FAT3: variants seen among roughly 807,000 people sequenced by gnomAD.
FAT3 encodes FAT atypical cadherin 3.
FAT3 carries 95 observed loss-of-function variants against 310.2 expected under a neutral mutation model. The ratio of observed to expected loss-of-function variants is 0.31; its 90% CI spans 0.26 to 0.36. The LOEUF (loss-of-function observed/expected upper bound fraction) is 0.36, where lower values mean the gene tolerates loss of function less well. Ranked by LOEUF, FAT3 falls within the 10% of genes least tolerant of loss-of-function variation. The pLI is 1.00. For missense variants in FAT3, 5,408 were observed against 5,715.6 expected, an observed-to-expected ratio of 0.95 and a Z score of 1.74; for synonymous variants, 2,314 against 2,192.9, an observed-to-expected ratio of 1.06 and a Z score of -1.54.
At chr11:92,786,039 G>C (rs972026975) in intron 7 of FAT3, among the ~76,000 whole-genome samples, 6 of 152,114 alleles carry the variant, frequency 3.9e-5, no homozygotes, top group African/African-American at 1.4e-4. Context: ...TGTAAATATA[G>C]AGTACAATAA....
intron 3 of FAT3, among the ~76,000 whole-genome samples, chr11:92,589,638 G>A (rs1939327929): frequency 6.6e-6 from 1 of 151,900 alleles, no homozygotes; most frequent in Non-Finnish European, 1.5e-5. Context: ...ACTCAACTAA[G>A]CTTTTTTCTT....
Position 92,844,161 on chromosome 11 carries a change from G to A in FAT3, c.10794G>A (p.Val3598=). Residue 3598 remains valine, a synonymous_variant, in exon 19 of 28, where the codon GTG becomes GTA. Transcript: ENST00000525166. ...LKSEQKSLFK[V]NSHDGKIIAL... Reference sequence around the variant, plus strand: ...CGGAGCAGAAAAGCTTATTTAAAGTGAACAGTCACGATGGGAAAATCATCG... The same window carrying A: ...CGGAGCAGAAAAGCTTATTTAAAGTAAACAGTCACGATGGGAAAATCATCG... 1 of 1,614,002 alleles carries A rather than the reference G, an allele frequency of 6.2e-7. No individual in the cohort carries two copies. The highest frequency in any genetic ancestry group is 8.5e-7 in the Non-Finnish European group (1 of 1,179,902).
intron 2 of FAT3, among the ~76,000 whole-genome samples, chr11:92,413,893 T>C (rs1389347440): frequency 1.3e-5 from 2 of 152,224 alleles, no homozygotes; most frequent in Non-Finnish European, 2.9e-5. Flanking sequence ...GACACAGTTT[T>C]ATTGGTCCAA....
At chr11:92,866,591 A>G in intron 21 of FAT3, 150 bp from the exon 22 acceptor site, 1 of 700,212 alleles carries the variant, frequency 1.4e-6, no homozygotes, top group South Asian at 2.0e-5. Flanking sequence ...GTGGTTAAAA[A>G]TCAAACCACA....
At chr11:92,298,646 C>G (rs1946911642) in intron 1 of FAT3, among the ~76,000 whole-genome samples, 1 of 152,108 alleles carries the variant, frequency 6.6e-6, no homozygotes, top group South Asian at 2.1e-4. Flanking sequence ...CTTTCATTGT[C>G]TTCTTCATGA....
At position 92,532,648 on chromosome 11, in the gene FAT3, AT is replaced by A. The variant is rs549668174; in HGVS notation, c.3607+7703del. ...TCTCAACTCTTAATATTTGGAGAGG[AT>A]TTGGCTGGTAACGAAATTCTCCTCA... On this transcript the variant is annotated intron_variant, in intron 3 of 27. Transcript: ENST00000525166. Among the ~76,000 whole-genome samples, 219 of 152,290 alleles carry A rather than the reference AT, an allele frequency of 1.4e-3. 1 individual carries two copies. Among genetic ancestry groups the A allele is most frequent in the African/African-American group, 5.1e-3 (213 of 41,562 alleles).
chr11:92,836,847 A>G, intron 16 of FAT3, 144 bp downstream of exon 16: 3 of 922,478 alleles, frequency 3.3e-6, no homozygotes, highest in Non-Finnish European at 4.7e-6. Context: ...TGCAGCATGA[A>G]ATATTAGGGT....
intron 3 of FAT3, among the ~76,000 whole-genome samples, chr11:92,677,769 G>A (rs992382119): frequency 6.6e-5 from 10 of 152,102 alleles, no homozygotes; most frequent in East Asian, 3.9e-4. Flanking sequence ...TTGGTGTTTT[G>A]AACAAATAAT....
intron 3 of FAT3, among the ~76,000 whole-genome samples, chr11:92,695,353 A>G (rs750327149): frequency 1.3e-5 from 2 of 152,068 alleles, no homozygotes; most frequent in African/African-American, 2.4e-5. Flanking sequence ...TTCCCTGGTG[A>G]TTCCGATGGT....
chr11:92,396,950 G>A (rs762282251), intron 2 of FAT3, among the ~76,000 whole-genome samples: 1 of 151,968 alleles, frequency 6.6e-6, no homozygotes, highest in African/African-American at 2.4e-5. Flanking sequence ...CTGTTAATCC[G>A]TCTACATCGG....
At chr11:92,672,914 G>A (rs1183414863) in intron 3 of FAT3, among the ~76,000 whole-genome samples, 4 of 152,112 alleles carry the variant, frequency 2.6e-5, no homozygotes, top group Non-Finnish European at 4.4e-5. Flanking sequence ...CGAAGTAAAG[G>A]GTAACCTGTC....
chr11:92,537,616 G>A (rs542975797), intron 3 of FAT3, among the ~76,000 whole-genome samples: 2 of 152,008 alleles, frequency 1.3e-5, no homozygotes, highest in Non-Finnish European at 2.9e-5. Context: ...ATAAACCTGA[G>A]AACTGTAGGG....
At chr11:92,240,034 G>A (rs1351924652) in intron 1 of FAT3, among the ~76,000 whole-genome samples, 1 of 152,096 alleles carries the variant, frequency 6.6e-6, no homozygotes, top group African/African-American at 2.4e-5. Context: ...TATGCCTTTC[G>A]AAAGATGGTT....
intron 3 of FAT3, among the ~76,000 whole-genome samples, chr11:92,674,107 G>A (rs760229793): frequency 1.6e-4 from 25 of 151,710 alleles, no homozygotes; most frequent in Non-Finnish European, 7.4e-5. Context: ...CTTCAACCCT[G>A]GAGGTGGGGG....
chr11:92,717,336 G>T (rs182267747), intron 4 of FAT3, among the ~76,000 whole-genome samples: 116 of 152,266 alleles, frequency 7.6e-4, no homozygotes, highest in South Asian at 4.8e-3. Context: ...TTCCAATGGG[G>T]GTCCTAATTC....
At chr11:92,658,678 G>A (rs1185796131) in intron 3 of FAT3, among the ~76,000 whole-genome samples, 2 of 152,148 alleles carry the variant, frequency 1.3e-5, no homozygotes, top group Admixed American at 6.5e-5. Flanking sequence ...AGCAGTTTTA[G>A]TCTTTCAGAT....
chr11:92,305,862 T>G (rs186235220), intron 1 of FAT3, among the ~76,000 whole-genome samples: 53 of 152,250 alleles, frequency 3.5e-4, no homozygotes, highest in Admixed American at 2.2e-3. Flanking sequence ...GTTCCTGAAT[T>G]GAATTCTAGA....
chr11:92,659,196 A>T (rs944273708), intron 3 of FAT3, among the ~76,000 whole-genome samples: 13 of 152,174 alleles, frequency 8.5e-5, no homozygotes, highest in African/African-American at 3.1e-4. Flanking sequence ...AAATACTAAA[A>T]TTCACAGAGG....
chr11:92,797,920 A>T lies in FAT3; in HGVS notation c.4907A>T (p.Gln1636Leu). 6.2e-7 allele frequency: 1 copy of T among 1,613,888 alleles called. No individual in the cohort carries two copies. Among genetic ancestry groups the T allele is most frequent in the Non-Finnish European group, 8.5e-7 (1 of 1,179,840 alleles). The stretch of plus-strand genomic sequence containing the variant: ...GAACCAGACATGACGACGATGGGTC[A>T]GTTTGTCCTATCCATCAAAGTCACA... ...CKEPDMTTMG[Q>L]FVLSIKVTDQ... Residue 1636 changes from glutamine to leucine, a missense_variant, in exon 10 of 28, where the codon CAG becomes CTG. This residue lies in a region of FAT3 where 4,588 missense variants were observed against 4,809.8 expected (regional missense o/e 0.95). Coordinates refer to ENST00000525166, the MANE Select transcript of FAT3 (RefSeq NM_001367949.2).
Sources: gnomAD v4.1 joint callset for allele counts (sites outside exome capture counted in the v4.1 genomes callset) on GRCh38, gnomAD v4.1.1 for gene constraint, gnomAD v4.1.1 regional missense constraint, MANE v1.5 for transcripts, NCBI Gene and HGNC (gene_info 2026-07-23, HGNC 2026-07-21) for gene names.